JARID2: variants seen among roughly 807,000 people sequenced by gnomAD.
JARID2 encodes jumonji and AT-rich interaction domain containing 2.
In JARID2, 21 loss-of-function variants were observed where a neutral mutation model predicts 125.6. That is an observed-to-expected ratio of 0.17 (90% CI 0.12 to 0.24). The LOEUF (loss-of-function observed/expected upper bound fraction) is 0.24, where lower values mean the gene tolerates loss of function less well. Ranked by LOEUF, JARID2 falls within the 10% of genes least tolerant of loss-of-function variation. JARID2 has a pLI of 1.00. For synonymous variants in JARID2, 736 were observed against 661.6 expected (o/e 1.11, Z -1.73); for missense variants, 1,303 against 1,639.6 (o/e 0.79, Z 3.55).
chr6:15,369,195 T>C (rs1034341329), intron 1 of JARID2: 2 of 303,190 alleles, frequency 6.6e-6, no homozygotes, highest in Non-Finnish European at 1.4e-5. Flanking sequence ...TTTTGTCTTT[T>C]AGTAAAAAGA....
At chr6:15,314,948 A>C (rs1762130319) in intron 1 of JARID2, 1 of 152,210 alleles carries the variant, frequency 6.6e-6, no homozygotes. Flanking sequence ...CATATACTAA[A>C]ATTGGAATGA....
At chr6:15,250,465 G>T (rs1171950771) in intron 1 of JARID2, among the ~76,000 whole-genome samples, 1 of 152,030 alleles carries the variant, frequency 6.6e-6, no homozygotes, top group African/African-American at 2.4e-5. Flanking sequence ...TCAGTTACTT[G>T]TTTCTAGTAG....
chr6:15,265,844 C>T (rs770029248), intron 1 of JARID2, among the ~76,000 whole-genome samples: 1 of 152,210 alleles, frequency 6.6e-6, no homozygotes, highest in African/African-American at 2.4e-5. Flanking sequence ...GCCCCTCCCT[C>T]ATTTACATTC....
intron 1 of JARID2, among the ~76,000 whole-genome samples, chr6:15,363,087 G>A (rs1171061907): frequency 1.3e-5 from 2 of 152,170 alleles, no homozygotes; most frequent in African/African-American, 4.8e-5. Context: ...GAAGGTGGTG[G>A]AGGTGATGAA....
chr6:15,321,075 T>C (rs991199383), intron 1 of JARID2, among the ~76,000 whole-genome samples: 2 of 152,150 alleles, frequency 1.3e-5, no homozygotes, highest in Non-Finnish European at 2.9e-5. Context: ...GTGAGCAGAT[T>C]GAAAATGCCA....
At chr6:15,440,168 CAGAT>C (rs1295449018) in intron 3 of JARID2, among the ~76,000 whole-genome samples, 2 of 152,346 alleles carry the variant, frequency 1.3e-5, no homozygotes, top group Admixed American at 1.3e-4. Flanking sequence ...GTATGTCCTG[CAGAT>C]ACTCACTGCT....
At chr6:15,413,549 C>G (rs1287714947) in intron 3 of JARID2, among the ~76,000 whole-genome samples, 1 of 152,186 alleles carries the variant, frequency 6.6e-6, no homozygotes, top group Non-Finnish European at 1.5e-5. Flanking sequence ...TGCATTATAA[C>G]TTGGCAAGAG....
At chr6:15,400,086 C>G (rs1488268915) in intron 2 of JARID2, among the ~76,000 whole-genome samples, 1 of 152,196 alleles carries the variant, frequency 6.6e-6, no homozygotes, top group Non-Finnish European at 1.5e-5. Flanking sequence ...GCTGCCAGAC[C>G]ACAGAGCCAG....
intron 3 of JARID2, among the ~76,000 whole-genome samples, chr6:15,443,049 T>C (rs1391574282): frequency 6.6e-6 from 1 of 151,940 alleles, no homozygotes; most frequent in East Asian, 1.9e-4. Flanking sequence ...TTAATTTTTT[T>C]CCTCCTCTTT....
chr6:15,447,571 C>CA lies in JARID2; in HGVS notation c.324-4434dup, dbSNP rs200086233. ...ATTTATGTTTTTACCTCTTCAACCC[C>CA]AGGAACCCCGTGCTCTCTCCACCCC... is the stretch of plus-strand genomic sequence containing the variant. On this transcript the variant is annotated intron_variant, in intron 3 of 17. Transcript: ENST00000341776. Among the ~76,000 whole-genome samples the CA allele has an allele frequency of 2.6e-5, 4 of 152,196 alleles. No homozygotes were observed. In the East Asian group the frequency reaches 7.7e-4, roughly 29 times the overall value.
chr6:15,367,427 A>T (rs1205650903), intron 1 of JARID2, among the ~76,000 whole-genome samples: 4 of 152,112 alleles, frequency 2.6e-5, no homozygotes, highest in African/African-American at 9.7e-5. Context: ...TATCCCCACT[A>T]CTAATAATAG....
intron 7 of JARID2, 35 bp from the exon 8 acceptor site, chr6:15,500,872 T>C: frequency 6.4e-7 from 1 of 1,556,630 alleles, no homozygotes; most frequent in Non-Finnish European, 8.7e-7. Context: ...TCTCTTTCAC[T>C]AACTGTCCCG....
At chr6:15,365,594 A>C (rs184491103) in intron 1 of JARID2, among the ~76,000 whole-genome samples, 5 of 151,888 alleles carry the variant, frequency 3.3e-5, no homozygotes, top group Admixed American at 3.3e-4. Flanking sequence ...TTTCAGCAGA[A>C]GTTCTTAATC....
chr6:15,507,764 G>C (rs961121559), intron 11 of JARID2, among the ~76,000 whole-genome samples: 1 of 152,186 alleles, frequency 6.6e-6, no homozygotes, highest in Admixed American at 6.5e-5. Flanking sequence ...CAGTAGGCTC[G>C]TAAGGGACGG....
intron 1 of JARID2, among the ~76,000 whole-genome samples, chr6:15,278,062 A>T (rs554717927): frequency 6.6e-6 from 1 of 151,914 alleles, no homozygotes; most frequent in Admixed American, 6.6e-5. Context: ...AGCCTGGCCA[A>T]CATGGTGAAA....
In JARID2 at chr6:15,410,279, G is replaced by A. The variant is rs772108594; in HGVS notation, c.237G>A (p.Glu79=). 6.2e-7 allele frequency: 1 copy of A among 1,614,162 alleles called. No individual in the cohort carries two copies. The highest frequency in any genetic ancestry group is 1.1e-5 in the South Asian group (1 of 91,086). ...KGLGPASEQS[E]NEKDDASQVS... is the part of the protein sequence containing the mutation. ...TAGGACCAGCATCAGAACAGTCAGA[G>A]AATGAAAAGGACGATGCATCCCAAG... The change falls in exon 3 of 18, where the codon GAG becomes GAA. Residue 79 remains glutamate (E), a synonymous_variant. Coordinates refer to ENST00000341776, the MANE Select transcript of JARID2 (RefSeq NM_004973.4).
At chr6:15,492,309 C>A (rs560936541) in intron 6 of JARID2, among the ~76,000 whole-genome samples, 1 of 152,214 alleles carries the variant, frequency 6.6e-6, no homozygotes, top group Non-Finnish European at 1.5e-5. Flanking sequence ...TAGCCCACGT[C>A]GGCGCTAATT....
intron 1 of JARID2, chr6:15,247,316 G>A: frequency 1.9e-6 from 1 of 539,714 alleles, no homozygotes; most frequent in Non-Finnish European, 2.4e-6. Context: ...CTGAAATTGG[G>A]TGATTATTCC....
At chr6:15,459,341 ATC>A (rs1173572025) in intron 4 of JARID2, among the ~76,000 whole-genome samples, 1 of 152,242 alleles carries the variant, frequency 6.6e-6, no homozygotes, top group East Asian at 1.9e-4. Context: ...ACTTTAAATC[ATC>A]TCTTGATTAC....
Sources: allele counts gnomAD v4.1 joint callset (sites outside exome capture counted in the v4.1 genomes callset), GRCh38; gene constraint gnomAD v4.1.1; transcripts MANE v1.5; gene names NCBI Gene and HGNC (gene_info 2026-07-23, HGNC 2026-07-21).